Variants in XKR4 observed in about 807,000 individuals in gnomAD.
XKR4 encodes the protein XK-related protein 4.
In XKR4, 12 loss-of-function variants were observed where a neutral mutation model predicts 53.9. The ratio of observed to expected loss-of-function variants is 0.22; its 90% CI spans 0.14 to 0.36. The LOEUF (loss-of-function observed/expected upper bound fraction) is 0.36, where lower values mean the gene tolerates loss of function less well. Among genes scored for constraint, XKR4 ranks in the 10% least tolerant of loss-of-function variants. XKR4 has a pLI of 1.00. For missense variants in XKR4, 799 were observed against 859.5 expected (o/e 0.93, Z 0.88); for synonymous variants, 354 against 362.4 (o/e 0.98, Z 0.26).
intron 1 of XKR4, among the ~76,000 whole-genome samples, chr8:55,339,278 C>A (rs1397586287): frequency 1.3e-5 from 2 of 152,184 alleles, no homozygotes; most frequent in Non-Finnish European, 2.9e-5. Flanking sequence ...GCTGTGGAAA[C>A]TTTACACGTG....
chr8:55,126,665 T>G (rs576719216), intron 1 of XKR4, among the ~76,000 whole-genome samples: 1 of 152,276 alleles, frequency 6.6e-6, no homozygotes, highest in South Asian at 2.1e-4. Flanking sequence ...CCATCAGACT[T>G]TCAGTTCTAG....
At chr8:55,417,226 T>G (rs1446503413) in intron 2 of XKR4, among the ~76,000 whole-genome samples, 1 of 152,168 alleles carries the variant, frequency 6.6e-6, no homozygotes, top group Non-Finnish European at 1.5e-5. Flanking sequence ...GGCATGTGGG[T>G]TTTCCCAAGC....
intron 1 of XKR4, among the ~76,000 whole-genome samples, chr8:55,169,232 A>G (rs1817115883): frequency 1.3e-5 from 2 of 152,268 alleles, no homozygotes; most frequent in South Asian, 4.1e-4. Flanking sequence ...TGTCTATCTT[A>G]TTTCCCTTAC....
chr8:55,362,997 C>G (rs532018600), intron 2 of XKR4, among the ~76,000 whole-genome samples: 1 of 152,322 alleles, frequency 6.6e-6, no homozygotes, highest in East Asian at 1.9e-4. Flanking sequence ...AAACATTGTG[C>G]GGAAATAATG....
chr8:55,445,982 C>G (rs2129395485), intron 2 of XKR4, among the ~76,000 whole-genome samples: 1 of 152,286 alleles, frequency 6.6e-6, no homozygotes, highest in African/African-American at 2.4e-5. Flanking sequence ...AAAGAAAAAT[C>G]TCCTTGTGCT....
chr8:55,481,084 T>G lies in XKR4; in HGVS notation c.1007-42197T>G, dbSNP rs556977363. Among the ~76,000 whole-genome samples the G allele has an allele frequency of 7.8e-4, 119 of 152,330 alleles. 4 individuals carry two copies. The East Asian group carries it at 0.02, about 25-fold the overall frequency. ...ATATGGAACCAAAAAAGAGCCCACA[T>G]TGCCAAGTCAATCCTAAGCCAAAAG... On this transcript the variant is annotated intron_variant, in intron 2 of 2. Coordinates refer to ENST00000327381, the MANE Select transcript of XKR4 (RefSeq NM_052898.2).
At chr8:55,245,502 C>G (rs1336742839) in intron 1 of XKR4, among the ~76,000 whole-genome samples, 2 of 152,156 alleles carry the variant, frequency 1.3e-5, no homozygotes, top group Non-Finnish European at 2.9e-5. Flanking sequence ...TGCTAACTGT[C>G]TCTGGCTCTC....
At chr8:55,129,763 G>C (rs575776728) in intron 1 of XKR4, among the ~76,000 whole-genome samples, 1 of 152,118 alleles carries the variant, frequency 6.6e-6, no homozygotes, top group African/African-American at 2.4e-5. Context: ...AGTTGAAAAG[G>C]GTGAGGGAGG....
chr8:55,103,767 C>A (rs1816093396), intron 1 of XKR4, among the ~76,000 whole-genome samples: 2 of 149,668 alleles, frequency 1.3e-5, no homozygotes, highest in Admixed American at 6.7e-5. Context: ...GGAGTTGCTG[C>A]TGCTCAAAAG....
chr8:55,420,685 A>G (rs961645762), intron 2 of XKR4, among the ~76,000 whole-genome samples: 2 of 151,616 alleles, frequency 1.3e-5, no homozygotes, highest in African/African-American at 2.4e-5. Context: ...ACCTAATGCT[A>G]GATGACGAGT....
chr8:55,372,832 A>G (rs1382911624), intron 2 of XKR4, among the ~76,000 whole-genome samples: 1 of 152,176 alleles, frequency 6.6e-6, no homozygotes, highest in Non-Finnish European at 1.5e-5. Flanking sequence ...GGATTTTAAA[A>G]CAGCTTTTTT....
chr8:55,481,337 A>G (rs970097467), intron 2 of XKR4, among the ~76,000 whole-genome samples: 1 of 152,080 alleles, frequency 6.6e-6, no homozygotes, highest in Non-Finnish European at 1.5e-5. Flanking sequence ...AAAACTGGCT[A>G]GCCATATGTA....
At chr8:55,307,794 A>T (rs1819326182) in intron 1 of XKR4, among the ~76,000 whole-genome samples, 1 of 152,234 alleles carries the variant, frequency 6.6e-6, no homozygotes, top group African/African-American at 2.4e-5. Context: ...AAGAACAGTG[A>T]CAGCAGCAGT....
At chr8:55,134,006 T>C (rs1434599085) in intron 1 of XKR4, among the ~76,000 whole-genome samples, 2 of 152,226 alleles carry the variant, frequency 1.3e-5, no homozygotes, top group African/African-American at 4.8e-5. Flanking sequence ...TTTGGAAGAA[T>C]TTTCTCTCCA....
rs183558520 is a variant in XKR4 at position 55,158,122 on chromosome 8, C to T, written c.806+54828C>T. On this transcript the variant is annotated intron_variant, in intron 1 of 2. Coordinates refer to ENST00000327381, the MANE Select transcript of XKR4 (RefSeq NM_052898.2). ...CTCTCCACAATGGCTGAACTCCTCA[C>T]TGGCAGTTTGTAAGCCTTCCCTTTT... Among the ~76,000 whole-genome samples, 411 of 152,290 alleles carry T rather than the reference C, an allele frequency of 2.7e-3. 4 individuals carry two copies. Among genetic ancestry groups the T allele is most frequent in the Admixed American group, 4.5e-3 (69 of 15,298 alleles).
chr8:55,360,369 TA>T (rs1803882769), intron 2 of XKR4, among the ~76,000 whole-genome samples: 1 of 152,210 alleles, frequency 6.6e-6, no homozygotes, highest in Admixed American at 6.5e-5. Flanking sequence ...TGATCCCACT[TA>T]CAAACAAACC....
intron 1 of XKR4, among the ~76,000 whole-genome samples, chr8:55,188,846 G>A (rs983605416): frequency 6.6e-6 from 1 of 152,134 alleles, no homozygotes; most frequent in Non-Finnish European, 1.5e-5. Context: ...TAGAGTTGTT[G>A]GGAGGATAAG....
intron 2 of XKR4, among the ~76,000 whole-genome samples, chr8:55,518,152 C>A (rs757448422): frequency 4.6e-5 from 7 of 152,196 alleles, no homozygotes; most frequent in Non-Finnish European, 7.3e-5. Context: ...GTACATCCTA[C>A]GAAGCGTGCT....
At chr8:55,176,706 T>C (rs574483769) in intron 1 of XKR4, among the ~76,000 whole-genome samples, 1 of 152,282 alleles carries the variant, frequency 6.6e-6, no homozygotes, top group Admixed American at 6.5e-5. Flanking sequence ...TTCCTCATGG[T>C]ACACCTTGGT....
Sources: gnomAD v4.1 joint callset for allele counts (sites outside exome capture counted in the v4.1 genomes callset) on GRCh38, gnomAD v4.1.1 for gene constraint, MANE v1.5 for transcripts, NCBI Gene and HGNC (gene_info 2026-07-23, HGNC 2026-07-21) for gene names.